The following ZEB1 variants were observed in gnomAD, a reference collection of about 807,000 sequenced individuals.
ZEB1 encodes the protein zinc finger E-box binding homeobox 1.
In ZEB1, 21 loss-of-function variants were observed where a neutral mutation model predicts 84.9. The ratio of observed to expected loss-of-function variants is 0.25; its 90% CI spans 0.18 to 0.36. The LOEUF (loss-of-function observed/expected upper bound fraction) is 0.36. ZEB1 is among the 10% of genes least tolerant of loss of function. The pLI is 1.00. For missense variants in ZEB1, 1,104 were observed against 1,330.2 expected, an observed-to-expected ratio of 0.83 and a Z score of 2.65; for synonymous variants, 420 against 471.1, an observed-to-expected ratio of 0.89 and a Z score of 1.41.
chr10:31,344,391 A>T (rs898917236), intron 1 of ZEB1, among the ~76,000 whole-genome samples: 1 of 152,064 alleles, frequency 6.6e-6, no homozygotes, highest in Non-Finnish European at 1.5e-5. Context: ...AAATACTTAC[A>T]TATAAATATA....
chr10:31,361,145 G>A (rs2042989774), intron 1 of ZEB1: 3 of 1,611,860 alleles, frequency 1.9e-6, no homozygotes, highest in Non-Finnish European at 2.5e-6. Context: ...ATTGAAGAGT[G>A]GCAACCAGAA....
chr10:31,435,474 G>A (rs150305106), intron 1 of ZEB1, among the ~76,000 whole-genome samples: 34 of 152,336 alleles, frequency 2.2e-4, no homozygotes, highest in African/African-American at 6.5e-4. Flanking sequence ...AAACTACGAT[G>A]GATGCTTTGA....
At chr10:31,331,764 C>T (rs767222530) in intron 1 of ZEB1, among the ~76,000 whole-genome samples, 3 of 152,136 alleles carry the variant, frequency 2.0e-5, no homozygotes, top group African/African-American at 4.8e-5. Context: ...GCATAACACA[C>T]ATGCACACAC....
At chr10:31,445,043 A>G (rs1315967011) in intron 1 of ZEB1, among the ~76,000 whole-genome samples, 1 of 149,174 alleles carries the variant, frequency 6.7e-6, no homozygotes, top group Non-Finnish European at 1.5e-5. Flanking sequence ...CTTCCTATCC[A>G]TGAGCATGGA....
At chr10:31,397,082 C>T (rs2050874966) in intron 1 of ZEB1, among the ~76,000 whole-genome samples, 1 of 147,418 alleles carries the variant, frequency 6.8e-6, no homozygotes, top group Admixed American at 6.8e-5. Flanking sequence ...GTGGCATGAT[C>T]TCGGCTCACT....
At chr10:31,334,937 A>G (rs2037676861) in intron 1 of ZEB1, among the ~76,000 whole-genome samples, 1 of 152,144 alleles carries the variant, frequency 6.6e-6, no homozygotes, top group Admixed American at 6.5e-5. Flanking sequence ...ATTCTACAAA[A>G]CATTCAAGGA....
At chr10:31,435,623 A>G (rs2058198681) in intron 1 of ZEB1, among the ~76,000 whole-genome samples, 2 of 152,228 alleles carry the variant, frequency 1.3e-5, no homozygotes, top group African/African-American at 4.8e-5. Context: ...TCTCAGGCCA[A>G]GGGAAAGGCA....
At chr10:31,495,975 A>C in intron 3 of ZEB1, 137 bp downstream of exon 3, 1 of 884,792 alleles carries the variant, frequency 1.1e-6, no homozygotes. Flanking sequence ...TTAAGTACTT[A>C]GGCATATGGT....
chr10:31,329,022 CTTAA>C (rs1002943167), intron 1 of ZEB1, among the ~76,000 whole-genome samples: 2 of 151,712 alleles, frequency 1.3e-5, no homozygotes, highest in African/African-American at 4.8e-5. Flanking sequence ...TGCGTGTGAA[CTTAA>C]TTGAGGTATA....
chr10:31,475,910 T>C (rs1293060496), intron 2 of ZEB1, among the ~76,000 whole-genome samples: 3 of 151,986 alleles, frequency 2.0e-5, no homozygotes, highest in Non-Finnish European at 2.9e-5. Context: ...CTAACAAAAC[T>C]ATGATGGGAA....
chr10:31,458,813 C>T (rs2061522670), intron 1 of ZEB1, among the ~76,000 whole-genome samples: 1 of 151,994 alleles, frequency 6.6e-6, no homozygotes, highest in African/African-American at 2.4e-5. Context: ...ATCAATAGAT[C>T]ATAGGTTGAA....
intron 2 of ZEB1, among the ~76,000 whole-genome samples, chr10:31,475,017 C>T (rs1393744659): frequency 1.4e-5 from 2 of 141,784 alleles, no homozygotes; most frequent in Non-Finnish European, 3.0e-5. Flanking sequence ...ACAATGAGAT[C>T]ACATGGACAC....
intron 1 of ZEB1, among the ~76,000 whole-genome samples, chr10:31,434,712 A>G (rs2058092805): frequency 1.3e-5 from 2 of 152,236 alleles, no homozygotes; most frequent in South Asian, 4.1e-4. Context: ...AGATGTGAAC[A>G]TAATGTAAAC....
At chr10:31,332,710 T>G (rs1212570616) in intron 1 of ZEB1, among the ~76,000 whole-genome samples, 1 of 152,106 alleles carries the variant, frequency 6.6e-6, no homozygotes, top group African/African-American at 2.4e-5. Context: ...AACCAGTGCC[T>G]TTTTTTAGAC....
At chr10:31,376,650 A>G (rs1473700986) in intron 1 of ZEB1, among the ~76,000 whole-genome samples, 2 of 151,720 alleles carry the variant, frequency 1.3e-5, no homozygotes, top group African/African-American at 4.8e-5. Context: ...CCAGCTTTGC[A>G]GTCTTAGGAA....
At chr10:31,510,998 A>T in intron 5 of ZEB1, 123 bp downstream of exon 5, 1 of 919,430 alleles carries the variant, frequency 1.1e-6, no homozygotes, top group South Asian at 1.4e-5. Context: ...CTATATCTGC[A>T]GCCTTATAAA....
chr10:31,319,166 A>C (rs980455837), upstream of ZEB1: 4 of 518,052 alleles, frequency 7.7e-6, no homozygotes, highest in East Asian at 1.7e-4. Flanking sequence ...GTGGAGGCGG[A>C]GGGGTGGGGG....
intron 1 of ZEB1, among the ~76,000 whole-genome samples, chr10:31,350,699 A>G (rs1011945075): frequency 3.3e-5 from 5 of 152,186 alleles, no homozygotes; most frequent in African/African-American, 4.8e-5. Context: ...TTAATTCCTA[A>G]TAGCCTGTGA....
In ZEB1 at chr10:31,446,427, A is replaced by AC. The variant is rs2136827254; in HGVS notation, c.59-14610_59-14609insC. ...CTCTATTTCCTTCAGTTCTGCTCTG[A>AC]TTTTAGTTATTTCTTGCCTTCTGCT... On this transcript the variant is annotated intron_variant, in intron 1 of 8. Coordinates refer to ENST00000424869, the MANE Select transcript of ZEB1 (RefSeq NM_001174096.2). 1.0e-4 allele frequency among the ~76,000 whole-genome samples: 15 copies of AC among 150,440 alleles called. No homozygotes were observed. In the South Asian group the frequency reaches 3.2e-3, roughly 32 times the overall value.
Sources: allele counts gnomAD v4.1 joint callset (sites outside exome capture counted in the v4.1 genomes callset), GRCh38; gene constraint gnomAD v4.1.1; transcripts MANE v1.5; gene names NCBI Gene and HGNC (gene_info 2026-07-23, HGNC 2026-07-21).